The following SYNPR variants were observed in gnomAD, a reference collection of about 807,000 sequenced individuals.
The protein encoded by SYNPR is synaptoporin.
In SYNPR, 23 loss-of-function variants were observed where a neutral mutation model predicts 32.9. That is an observed-to-expected ratio of 0.70 (90% CI 0.50 to 0.99). SYNPR has a LOEUF of 0.99. Ranked by LOEUF, SYNPR falls within the 50% of genes least tolerant of loss-of-function variation. SYNPR has a pLI of 0.00. For missense variants in SYNPR, 318 were observed against 349.3 expected, an observed-to-expected ratio of 0.91 and a Z score of 0.71; for synonymous variants, 146 against 135.9, an observed-to-expected ratio of 1.07 and a Z score of -0.52.
intron 2 of SYNPR, among the ~76,000 whole-genome samples, chr3:63,358,191 C>T (rs137874416): frequency 1.9e-4 from 29 of 152,252 alleles, no homozygotes; most frequent in African/African-American, 6.5e-4. Flanking sequence ...AACAAATTAC[C>T]ACAAACTTAG....
intron 2 of SYNPR, among the ~76,000 whole-genome samples, chr3:63,279,553 T>A (rs1473411029): frequency 6.6e-6 from 1 of 152,196 alleles, no homozygotes; most frequent in East Asian, 1.9e-4. Flanking sequence ...ATGTCAGTGT[T>A]GTTGGCTGGA....
At chr3:63,342,362 C>G (rs1003712627) in intron 2 of SYNPR, among the ~76,000 whole-genome samples, 12 of 152,088 alleles carry the variant, frequency 7.9e-5, no homozygotes, top group African/African-American at 2.9e-4. Flanking sequence ...TTTCTCTGGA[C>G]CAATTGATAT....
At chr3:63,349,406 A>G (rs1169837565) in intron 2 of SYNPR, among the ~76,000 whole-genome samples, 1 of 152,186 alleles carries the variant, frequency 6.6e-6, no homozygotes, top group Non-Finnish European at 1.5e-5. Flanking sequence ...GGCCAACAAC[A>G]TTAATTCTTT....
chr3:63,465,058 A>AT (rs1700652083), intron 2 of SYNPR, among the ~76,000 whole-genome samples: 1 of 152,196 alleles, frequency 6.6e-6, no homozygotes, highest in African/African-American at 2.4e-5. Context: ...ACATTAAGTA[A>AT]TTTGATACAT....
chr3:63,434,188 T>G (rs1431621534), intron 2 of SYNPR, among the ~76,000 whole-genome samples: 1 of 152,228 alleles, frequency 6.6e-6, no homozygotes, highest in Non-Finnish European at 1.5e-5. Flanking sequence ...TGGTCTGGGT[T>G]CTGGAGGCAT....
upstream of SYNPR, among the ~76,000 whole-genome samples, chr3:63,226,201 C>T (rs559719893): frequency 4.0e-5 from 6 of 149,164 alleles, no homozygotes; most frequent in African/African-American, 1.2e-4. Flanking sequence ...CAAAAAACAA[C>T]AGATGCTGGA....
At chr3:63,390,171 T>G (rs1201303415) in intron 2 of SYNPR, among the ~76,000 whole-genome samples, 1 of 152,196 alleles carries the variant, frequency 6.6e-6, no homozygotes, top group African/African-American at 2.4e-5. Context: ...TCATTCTGTC[T>G]CTAAGGATCA....
chr3:63,326,305 A>G (rs1181807533), intron 2 of SYNPR, among the ~76,000 whole-genome samples: 1 of 146,640 alleles, frequency 6.8e-6, no homozygotes, highest in East Asian at 2.0e-4. Context: ...GCTCTTAACC[A>G]ACACCCAACA....
chr3:63,352,329 G>A (rs191912226), intron 2 of SYNPR, among the ~76,000 whole-genome samples: 1 of 152,258 alleles, frequency 6.6e-6, no homozygotes, highest in East Asian at 1.9e-4. Context: ...AATCTCCTGA[G>A]GAGCTTTTCA....
intron 3 of SYNPR, among the ~76,000 whole-genome samples, chr3:63,528,313 G>T (rs1165516531): frequency 6.6e-6 from 1 of 152,170 alleles, no homozygotes; most frequent in East Asian, 1.9e-4. Context: ...TCTTTTCTGA[G>T]GTCATGTCCA....
chr3:63,351,019 C>A (rs2107017804), intron 2 of SYNPR, among the ~76,000 whole-genome samples: 1 of 152,304 alleles, frequency 6.6e-6, no homozygotes. Flanking sequence ...TGCCCCTTAT[C>A]AGACATTATG....
chr3:63,267,715 A>G (rs559132107), intron 3 of SYNPR, among the ~76,000 whole-genome samples: 21 of 152,218 alleles, frequency 1.4e-4, no homozygotes, highest in Admixed American at 3.3e-4. Context: ...ATAGGGGAAG[A>G]TTTAACTTTC....
upstream of SYNPR, chr3:63,278,024 A>G (rs2086592818): frequency 6.5e-6 from 1 of 153,084 alleles, no homozygotes. Context: ...TGTCTCAGGT[A>G]AAGTGTGGGT....
intron 3 of SYNPR, among the ~76,000 whole-genome samples, chr3:63,486,648 G>A (rs1381900849): frequency 6.6e-6 from 1 of 152,152 alleles, no homozygotes. Context: ...AGATAGATGA[G>A]TAGATAGATT....
At chr3:63,587,711 T>C (rs1703214811) in intron 4 of SYNPR, among the ~76,000 whole-genome samples, 1 of 152,098 alleles carries the variant, frequency 6.6e-6, no homozygotes, top group Non-Finnish European at 1.5e-5. Flanking sequence ...ATTGTTTTGT[T>C]TTATTTTTTA....
chr3:63,458,737 T>C (rs1700528937), intron 2 of SYNPR, among the ~76,000 whole-genome samples: 1 of 152,078 alleles, frequency 6.6e-6, no homozygotes, highest in Non-Finnish European at 1.5e-5. Context: ...TCAGTCATCA[T>C]CTCTATGAGT....
rs1700959469 is a variant in SYNPR at position 63,477,765 on chromosome 3, G to A, written c.85-3067G>A. Among the ~76,000 whole-genome samples, 3 of 152,348 alleles carry A rather than the reference G, an allele frequency of 2.0e-5. 1 individual carries two copies. The highest frequency in any genetic ancestry group is 4.4e-5 in the Non-Finnish European group (3 of 68,030). On this transcript the variant is annotated intron_variant, in intron 2 of 5. Coordinates refer to ENST00000478300, the MANE Select transcript of SYNPR (RefSeq NM_001130003.2). ...TGCTAGATATTCATTCTCCCTTACA[G>A]GGATCAGTAGCTTCACTTTTTCTCT... is the stretch of plus-strand genomic sequence containing the variant.
chr3:63,385,915 A>C (rs1486650577), intron 2 of SYNPR, among the ~76,000 whole-genome samples: 1 of 152,222 alleles, frequency 6.6e-6, no homozygotes, highest in African/African-American at 2.4e-5. Flanking sequence ...AAAGTTTTGC[A>C]TAGACTATCG....
intron 5 of SYNPR, among the ~76,000 whole-genome samples, chr3:63,609,792 C>T (rs1358745791): frequency 2.6e-5 from 4 of 152,052 alleles, no homozygotes; most frequent in Non-Finnish European, 1.5e-5. Context: ...TGCCTATAGT[C>T]CCAGCTACTC....
Sources: allele counts gnomAD v4.1 joint callset (sites outside exome capture counted in the v4.1 genomes callset), GRCh38; gene constraint gnomAD v4.1.1; transcripts MANE v1.5; gene names NCBI Gene and HGNC (gene_info 2026-07-23, HGNC 2026-07-21).